The following GFRA1 variants were observed in gnomAD, a reference collection of about 807,000 sequenced individuals.
GFRA1 encodes the protein GDNF family receptor alpha 1.
A neutral mutation model predicts 51.6 loss-of-function variants in GFRA1; 16 were observed. That is an observed-to-expected ratio of 0.31 (90% CI 0.21 to 0.47). GFRA1 has a LOEUF of 0.47. Ranked by LOEUF, GFRA1 falls within the 20% of genes least tolerant of loss-of-function variation. GFRA1 has a pLI of 1.00. For missense variants in GFRA1, 530 were observed against 594.3 expected, an observed-to-expected ratio of 0.89 and a Z score of 1.13; for synonymous variants, 270 against 241.3, an observed-to-expected ratio of 1.12 and a Z score of -1.10.
At chr10:116,187,242 G>A (rs572809163) in intron 5 of GFRA1, among the ~76,000 whole-genome samples, 4 of 152,280 alleles carry the variant, frequency 2.6e-5, no homozygotes, top group Non-Finnish European at 5.9e-5. Flanking sequence ...TGAATACTTC[G>A]TATTTGTCTA....
At chr10:116,235,676 T>C (rs879346491) in intron 4 of GFRA1, among the ~76,000 whole-genome samples, 5 of 152,154 alleles carry the variant, frequency 3.3e-5, no homozygotes, top group South Asian at 2.1e-4. Flanking sequence ...TTAAGTCATA[T>C]GTTGAAGCCC....
intron 6 of GFRA1, among the ~76,000 whole-genome samples, chr10:116,106,988 T>G (rs556313050): frequency 3.3e-4 from 50 of 152,330 alleles, no homozygotes; most frequent in Non-Finnish European, 4.1e-4. Flanking sequence ...GCCATGATTA[T>G]AAGGTTCCTG....
chr10:116,245,604 T>C (rs1967799615), intron 4 of GFRA1, among the ~76,000 whole-genome samples: 1 of 152,246 alleles, frequency 6.6e-6, no homozygotes, highest in African/African-American at 2.4e-5. Flanking sequence ...GTTGAAAAGT[T>C]AGGTCCACAC....
rs1377595841 is a variant in GFRA1, at chr10:116,140,142, C to G, written c.434-14585G>C. Among the ~76,000 whole-genome samples the G allele has an allele frequency of 2.0e-5, 3 of 152,232 alleles. No individual in the cohort carries two copies. In the East Asian group the frequency reaches 5.8e-4, roughly 29 times the overall value. On this transcript the variant is annotated intron_variant, in intron 5 of 10. Coordinates refer to ENST00000355422, the MANE Select transcript of GFRA1 (RefSeq NM_005264.8). The stretch of plus-strand genomic sequence containing the variant: ...GGTAGGAAATATGGTAGAATAGTTC[C>G]TAAGGTAGAAGTGTGAAGGTGGAAG...
chr10:116,087,615 C>T (rs1195554453), intron 9 of GFRA1, among the ~76,000 whole-genome samples: 3 of 152,172 alleles, frequency 2.0e-5, no homozygotes, highest in African/African-American at 7.2e-5. Context: ...CAGAACTTGC[C>T]TTTTCTTTCC....
chr10:116,172,296 T>C (rs1229596993), intron 5 of GFRA1, among the ~76,000 whole-genome samples: 3 of 152,046 alleles, frequency 2.0e-5, no homozygotes, highest in Non-Finnish European at 4.4e-5. Flanking sequence ...TACCCACCCA[T>C]CCATCTGCCC....
Position 116,143,417 on chromosome 10 carries a change from T to C in GFRA1, c.434-17860A>G, listed in dbSNP as rs1258392245. ...AATAAAATTCCTTAGTTGTCTTTAG[T>C]ATAGGATGACAGATACCCTAACCTC... On this transcript the variant is annotated intron_variant, in intron 5 of 10. Transcript: ENST00000355422. 4.6e-5 allele frequency among the ~76,000 whole-genome samples: 7 copies of C among 151,902 alleles called. No individual in the cohort carries two copies. In the South Asian group the frequency reaches 6.2e-4, roughly 14 times the overall value.
In GFRA1 at chr10:116,177,100, CAGAAAGTGAGGCTGAAA is replaced by C. The variant is rs368652675; in HGVS notation, c.433+34514_433+34530del. On this transcript the variant is annotated intron_variant, in intron 5 of 10. Coordinates refer to ENST00000355422, the MANE Select transcript of GFRA1 (RefSeq NM_005264.8). The stretch of plus-strand genomic sequence containing the variant: ...TGTGTCTAGAACACAGAGGATGGGG[CAGAAAGTGAGGCTGAAA>C]AGAAAGGTGGAGGCCTGACTATGAT... 7.1e-4 allele frequency among the ~76,000 whole-genome samples: 108 copies of C among 152,148 alleles called. 2 individuals carry two copies. In the East Asian group the frequency reaches 0.021, roughly 29 times the overall value.
intron 5 of GFRA1, among the ~76,000 whole-genome samples, chr10:116,137,935 G>A (rs1226827582): frequency 6.6e-6 from 1 of 152,076 alleles, no homozygotes; most frequent in Non-Finnish European, 1.5e-5. Flanking sequence ...CCCAGTAGCT[G>A]GGATTACGGA....
intron 5 of GFRA1, among the ~76,000 whole-genome samples, chr10:116,148,080 G>GCA (rs1565610590): frequency 1.0e-4 from 14 of 138,154 alleles, no homozygotes; most frequent in Non-Finnish European, 2.0e-4. Context: ...GTGTGCATGT[G>GCA]TGTGTGTGCA....
At chr10:116,254,280 C>A (rs1317864156) in intron 4 of GFRA1, among the ~76,000 whole-genome samples, 2 of 141,272 alleles carry the variant, frequency 1.4e-5, no homozygotes, top group East Asian at 4.2e-4. Flanking sequence ...CAAGATCGTG[C>A]CACTGCATTC....
intron 4 of GFRA1, among the ~76,000 whole-genome samples, chr10:116,229,091 G>A (rs1024400966): frequency 2.0e-5 from 3 of 150,720 alleles, no homozygotes; most frequent in African/African-American, 4.9e-5. Context: ...CAGTCCTGCC[G>A]ACTCCTCGAG....
At chr10:116,158,220 G>C (rs1436902753) in intron 5 of GFRA1, among the ~76,000 whole-genome samples, 1 of 152,202 alleles carries the variant, frequency 6.6e-6, no homozygotes, top group Non-Finnish European at 1.5e-5. Context: ...TTCCTGGTTG[G>C]TAAGCTGCCC....
intron 5 of GFRA1, among the ~76,000 whole-genome samples, chr10:116,180,791 C>T (rs1962142112): frequency 6.6e-6 from 1 of 152,138 alleles, no homozygotes; most frequent in South Asian, 2.1e-4. Context: ...GTTTCCACCA[C>T]CCCTCCACCA....
intron 5 of GFRA1, among the ~76,000 whole-genome samples, chr10:116,168,378 G>A (rs1291807644): frequency 6.6e-6 from 1 of 152,138 alleles, no homozygotes; most frequent in Non-Finnish European, 1.5e-5. Flanking sequence ...GCAAGGCAGG[G>A]AAAAATCAGC....
At chr10:116,207,090 A>G (rs1964835794) in intron 5 of GFRA1, among the ~76,000 whole-genome samples, 1 of 116,480 alleles carries the variant, frequency 8.6e-6, no homozygotes, top group African/African-American at 3.7e-5. Flanking sequence ...ATCTACAGAA[A>G]GACAAACAGG....
intron 9 of GFRA1, among the ~76,000 whole-genome samples, chr10:116,072,436 G>A (rs1412430663): frequency 6.6e-6 from 1 of 152,086 alleles, no homozygotes; most frequent in African/African-American, 2.4e-5. Flanking sequence ...ACTTGCTCCT[G>A]GTACTGGCTT....
chr10:116,223,843 C>A (rs1303748136), intron 4 of GFRA1, among the ~76,000 whole-genome samples: 1 of 152,132 alleles, frequency 6.6e-6, no homozygotes, highest in Non-Finnish European at 1.5e-5. Context: ...ATGTCATTTT[C>A]ATGAAGAATT....
intron 4 of GFRA1, among the ~76,000 whole-genome samples, chr10:116,242,247 T>C (rs1010367661): frequency 2.0e-5 from 3 of 152,232 alleles, no homozygotes; most frequent in South Asian, 4.1e-4. Flanking sequence ...CAAGTGTCTC[T>C]GGTTACAATT....
Sources: allele counts gnomAD v4.1 joint callset (sites outside exome capture counted in the v4.1 genomes callset), GRCh38; gene constraint gnomAD v4.1.1; transcripts MANE v1.5; gene names NCBI Gene and HGNC (gene_info 2026-07-23, HGNC 2026-07-21).